The following TMEM135 variants were observed in gnomAD, a reference collection of about 807,000 sequenced individuals.
TMEM135 encodes peroxisomal membrane protein 52.
Under a neutral mutation model 60.3 loss-of-function variants are expected in TMEM135, and 30 were observed. The observed-to-expected ratio is 0.50, with a 90% CI of 0.37 to 0.68. The LOEUF is 0.68. Ranked by LOEUF, TMEM135 falls within the 30% of genes least tolerant of loss-of-function variation. The pLI, the probability that TMEM135 is intolerant of heterozygous loss-of-function variation, is 0.00. For missense variants in TMEM135, 468 were observed against 548.8 expected, an observed-to-expected ratio of 0.85 and a Z score of 1.47; for synonymous variants, 190 against 186.7, an observed-to-expected ratio of 1.02 and a Z score of -0.14.
chr11:87,227,996 C>G (rs1940802170), intron 5 of TMEM135, among the ~76,000 whole-genome samples: 1 of 152,068 alleles, frequency 6.6e-6, no homozygotes, highest in South Asian at 2.1e-4. Flanking sequence ...ACTTTGTGTT[C>G]TAAGTAAGTA....
intron 6 of TMEM135, among the ~76,000 whole-genome samples, chr11:87,271,224 G>T (rs984158824): frequency 9.2e-5 from 14 of 152,078 alleles, no homozygotes; most frequent in African/African-American, 3.4e-4. Context: ...GTCTTACTTA[G>T]TTTAGGAGCT....
rs1252403366 is a variant in TMEM135 at position 87,271,086 on chromosome 11, A to G, written c.510-24696A>G. Among the ~76,000 whole-genome samples the G allele has an allele frequency of 3.9e-5, 6 of 152,146 alleles. 1 individual carries two copies. The highest frequency in any genetic ancestry group is 2.6e-4 in the Admixed American group (4 of 15,276). ...TAAAATACTTTTCATGAAGCTTGCT[A>G]TATCAGGTTACCTATCAGTTTACTT... On this transcript the variant is annotated intron_variant, in intron 6 of 14. Transcript: ENST00000305494.
intron 3 of TMEM135, among the ~76,000 whole-genome samples, chr11:87,088,914 A>G (rs1857150581): frequency 6.6e-6 from 1 of 152,228 alleles, no homozygotes; most frequent in Non-Finnish European, 1.5e-5. Context: ...ATGATTGAGC[A>G]CCAGCATGAT....
intron 1 of TMEM135, among the ~76,000 whole-genome samples, chr11:87,039,962 G>T (rs545340535): frequency 5.9e-5 from 9 of 152,254 alleles, no homozygotes; most frequent in African/African-American, 1.9e-4. Context: ...GGTAGGTTGG[G>T]GGTGTTCAGG....
At chr11:87,274,718 C>G (rs1941934595) in intron 6 of TMEM135, among the ~76,000 whole-genome samples, 1 of 151,066 alleles carries the variant, frequency 6.6e-6, no homozygotes, top group Non-Finnish European at 1.5e-5. Flanking sequence ...TCCAGCAGCT[C>G]AGGAGACTGA....
chr11:87,073,977 T>A (rs928572964), intron 3 of TMEM135, among the ~76,000 whole-genome samples: 1 of 151,964 alleles, frequency 6.6e-6, no homozygotes. Context: ...CTTATTTTAT[T>A]TTTTTTGGGA....
At chr11:87,062,895 A>G (rs760580205) in intron 1 of TMEM135, among the ~76,000 whole-genome samples, 1 of 152,234 alleles carries the variant, frequency 6.6e-6, no homozygotes, top group Non-Finnish European at 1.5e-5. Flanking sequence ...AGGATTTTTC[A>G]TAGAAATAAT....
intron 4 of TMEM135, among the ~76,000 whole-genome samples, chr11:87,110,587 C>CT (rs1162821245): frequency 6.6e-6 from 1 of 152,026 alleles, no homozygotes; most frequent in African/African-American, 2.4e-5. Flanking sequence ...ATTACAAAGA[C>CT]TAAGTCAATA....
intron 5 of TMEM135, among the ~76,000 whole-genome samples, chr11:87,163,772 A>G (rs1178153011): frequency 2.1e-5 from 3 of 144,534 alleles, no homozygotes; most frequent in Non-Finnish European, 4.5e-5. Context: ...TTTGATTTGC[A>G]TTTCTCTGAT....
At chr11:87,103,085 T>C (rs918434103) in intron 4 of TMEM135, among the ~76,000 whole-genome samples, 7 of 152,296 alleles carry the variant, frequency 4.6e-5, no homozygotes, top group South Asian at 2.1e-4. Flanking sequence ...CCAGGTTCAT[T>C]AGGTTGATTC....
intron 6 of TMEM135, among the ~76,000 whole-genome samples, chr11:87,286,383 G>A (rs1227815767): frequency 2.0e-5 from 3 of 152,182 alleles, no homozygotes; most frequent in African/African-American, 7.2e-5. Context: ...GTACTGATTG[G>A]TGCATATACA....
At chr11:87,208,159 C>G (rs1458446064) in intron 5 of TMEM135, among the ~76,000 whole-genome samples, 1 of 152,152 alleles carries the variant, frequency 6.6e-6, no homozygotes. Flanking sequence ...TCTGGAAGCT[C>G]TAAAAGCAGA....
intron 6 of TMEM135, among the ~76,000 whole-genome samples, chr11:87,252,435 C>T (rs965719739): frequency 6.6e-6 from 1 of 152,134 alleles, no homozygotes; most frequent in African/African-American, 2.4e-5. Context: ...TCGTGGCTTT[C>T]TAAATACATG....
chr11:87,313,529 T>C, intron 11 of TMEM135, 41 bp downstream of exon 11: 3 of 1,500,256 alleles, frequency 2.0e-6, no homozygotes, highest in Non-Finnish European at 2.8e-6. Context: ...ATTGTATTAA[T>C]CAGTGGTAGG....
In TMEM135 at chr11:87,116,634, CACACACACACACAG is replaced by C. The variant is rs879362742; in HGVS notation, c.396+25249_396+25262del. Reference sequence around the variant, plus strand: ...GTACAAACACACACACACACATACACACACACACACACAGACACACACATACATATAGTATAGGC... The same window carrying C: ...GTACAAACACACACACACACATACACACACACACATACATATAGTATAGGC... On this transcript the variant is annotated intron_variant, in intron 4 of 14. Coordinates refer to ENST00000305494, the MANE Select transcript of TMEM135 (RefSeq NM_022918.4). 5.6e-3 allele frequency among the ~76,000 whole-genome samples: 736 copies of C among 130,778 alleles called. 1 individual carries two copies. Among genetic ancestry groups the C allele is most frequent in the Middle Eastern group, 0.017 (4 of 240 alleles). 85.8% of individuals were successfully genotyped at this position (130,778 alleles called of 152,430 possible). A position where few individuals can be genotyped will look rare whatever the true frequency, so the allele number is the denominator to read the frequency against.
chr11:87,154,315 C>A (rs1225575392), intron 4 of TMEM135, among the ~76,000 whole-genome samples: 1 of 152,158 alleles, frequency 6.6e-6, no homozygotes, highest in Non-Finnish European at 1.5e-5. Flanking sequence ...GAATTTCATT[C>A]TTTTCTAAGT....
chr11:87,223,510 G>A (rs1223195416), intron 5 of TMEM135, among the ~76,000 whole-genome samples: 1 of 152,010 alleles, frequency 6.6e-6, no homozygotes, highest in Non-Finnish European at 1.5e-5. Flanking sequence ...CAGAATTTAA[G>A]TGCATACACT....
At chr11:87,259,804 T>A (rs990472073) in intron 6 of TMEM135, among the ~76,000 whole-genome samples, 2 of 152,226 alleles carry the variant, frequency 1.3e-5, no homozygotes, top group African/African-American at 4.8e-5. Context: ...AGCTTTTAAG[T>A]TCTAAAATTT....
chr11:87,079,215 A>C (rs1338969121), intron 3 of TMEM135, among the ~76,000 whole-genome samples: 1 of 152,106 alleles, frequency 6.6e-6, no homozygotes. Context: ...CATGCTGGCC[A>C]GGCTGGTCTT....
Sources: allele counts gnomAD v4.1 joint callset (sites outside exome capture counted in the v4.1 genomes callset), GRCh38; gene constraint gnomAD v4.1.1; transcripts MANE v1.5; gene names NCBI Gene and HGNC (gene_info 2026-07-23, HGNC 2026-07-21).